The following PLEKHA8 variants were observed in gnomAD, a reference collection of about 807,000 sequenced individuals.
The protein encoded by PLEKHA8 is pleckstrin homology domain containing A8, also known as pleckstrin homology domain-containing family A member 8.
Under a neutral mutation model 68.2 loss-of-function variants are expected in PLEKHA8, and 36 were observed. That is an observed-to-expected ratio of 0.53 (90% CI 0.40 to 0.70). The LOEUF is 0.70. Among genes scored for constraint, PLEKHA8 ranks in the 30% least tolerant of loss-of-function variants. PLEKHA8 has a pLI of 0.00. For synonymous variants in PLEKHA8, 211 were observed against 216.1 expected (o/e 0.98, Z 0.20); for missense variants, 505 against 615.4 (o/e 0.82, Z 1.90).
chr7:30,056,312 C>CTCTATATATATA lies in PLEKHA8; in HGVS notation c.1039+971_1039+972insCTATATATATAT, dbSNP rs796845171. Among the ~76,000 whole-genome samples, 638 of 94,504 alleles carry CTCTATATATATA rather than the reference C, an allele frequency of 6.8e-3. 18 individuals carry two copies. Among genetic ancestry groups the CTCTATATATATA allele is most frequent in the Non-Finnish European group, 0.01 (484 of 47,246 alleles). 62.0% of individuals were successfully genotyped at this position (94,504 alleles called of 152,430 possible). On this transcript the variant is annotated intron_variant, in intron 9 of 13. Coordinates refer to ENST00000449726, the MANE Select transcript of PLEKHA8 (RefSeq NM_001197026.2). ...TCTCTCTCTCTCTCTCTCTCTCTCT[C>CTCTATATATATA]TATATATATATATATATATAAATAA...
intron 13 of PLEKHA8, among the ~76,000 whole-genome samples, chr7:30,120,811 T>TA (rs1483043668): frequency 1.3e-5 from 2 of 152,220 alleles, no homozygotes; most frequent in African/African-American, 2.4e-5. Context: ...ACACCGTAAG[T>TA]AGGTTTCTGA....
At chr7:30,056,606 G>A (rs182047233) in intron 9 of PLEKHA8, among the ~76,000 whole-genome samples, 1,480 of 146,752 alleles carry the variant, frequency 0.01, 18 homozygotes, top group East Asian at 0.04. Flanking sequence ...GCGCGCACCT[G>A]TAATCCCAGT....
rs1562557918 is a variant in PLEKHA8 at position 30,115,809 on chromosome 7, C to CGT, written c.1363-13457_1363-13456insGT. The stretch of plus-strand genomic sequence containing the variant: ...ATACGTGCACATACATGTATACACG[C>CGT]ATGCATGTATACATGCGTGCACATA... On this transcript the variant is annotated intron_variant, in intron 13 of 13. Coordinates refer to the PLEKHA8 transcript ENST00000396257. 1.5e-4 allele frequency: 16 copies of CGT among 107,002 alleles called. 1 individual carries two copies. The highest frequency in any genetic ancestry group is 6.1e-4 in the Admixed American group (7 of 11,568). 6.6% of individuals were successfully genotyped at this position (107,002 alleles called of 1,614,324 possible). A position where few individuals can be genotyped will look rare whatever the true frequency, so the allele number is the denominator to read the frequency against.
intron 8 of PLEKHA8, among the ~76,000 whole-genome samples, 186 bp downstream of exon 8, chr7:30,055,051 T>G (rs2127981372): frequency 6.6e-6 from 1 of 152,338 alleles, no homozygotes; most frequent in Admixed American, 6.5e-5. Flanking sequence ...TGAAGTGTGC[T>G]CTGTGAACAA....
At chr7:30,093,675 C>T (rs1345608980), downstream of PLEKHA8, among the ~76,000 whole-genome samples, 30 of 152,206 alleles carry the variant, frequency 2.0e-4, no homozygotes, top group Admixed American at 2.0e-3. Flanking sequence ...GGATGTAAAT[C>T]GCCTGGCATG....
intron 13 of PLEKHA8, among the ~76,000 whole-genome samples, chr7:30,125,909 CTATTTTTTTATTT>C (rs1230650222): frequency 6.6e-6 from 1 of 151,860 alleles, no homozygotes; most frequent in Non-Finnish European, 1.5e-5. Context: ...GACAACTTGC[CTATTTTTTTATTT>C]TATTTTTTGG....
chr7:30,083,482 G>T lies in PLEKHA8; in HGVS notation c.*4695G>T. On this transcript the variant is annotated 3_prime_UTR_variant, in exon 14 of 14. Transcript: ENST00000449726. ...CCCATCCTGTCTCAGACAGTCAATAGTCCTGTGTACAGTGACTATTTGCAT... is the reference window on the plus strand; with the variant it reads ...CCCATCCTGTCTCAGACAGTCAATATTCCTGTGTACAGTGACTATTTGCAT... 1.0e-6 allele frequency: 1 copy of T among 985,216 alleles called. No homozygotes were observed. Among genetic ancestry groups the T allele is most frequent in the Non-Finnish European group, 1.2e-6 (1 of 829,814 alleles). 61.0% of individuals were successfully genotyped at this position (985,216 alleles called of 1,614,324 possible).
At chr7:30,042,192 A>G (rs761257835) in intron 1 of PLEKHA8, among the ~76,000 whole-genome samples, 5 of 152,148 alleles carry the variant, frequency 3.3e-5, no homozygotes, top group Non-Finnish European at 5.9e-5. Flanking sequence ...GCCTGCTAGC[A>G]TGGAACTTAA....
At chr7:30,090,370 C>T in exon 13 of PLEKHA8, 2 of 610,842 alleles carry the variant, frequency 3.3e-6, no homozygotes, top group Non-Finnish European at 5.5e-6. Context: ...TTATTGCCAA[C>T]CAAGTCGTCA....
chr7:30,091,388 G>A (rs1795410309), downstream of PLEKHA8, among the ~76,000 whole-genome samples: 1 of 151,870 alleles, frequency 6.6e-6, no homozygotes, highest in Non-Finnish European at 1.5e-5. Flanking sequence ...AGAGTGTGGT[G>A]GACCCCCGGC....
rs866963119 is a variant in PLEKHA8 at position 30,080,599 on chromosome 7, A to C, written c.*1812A>C. The C allele has an allele frequency of 5.3e-5, 52 of 985,404 alleles. No individual in the cohort carries two copies. In the South Asian group the frequency reaches 2.0e-3, roughly 38 times the overall value. The allele number at this position is 985,404 out of a possible 1,614,324, so 61.0% of individuals were successfully genotyped here. ...CTCAGATTAATTAGGTATTTTGCCC[A>C]CATAAAGACTTCTGGAAAATACTTA... is the stretch of plus-strand genomic sequence containing the variant. On this transcript the variant is annotated 3_prime_UTR_variant, in exon 14 of 14. Coordinates refer to ENST00000449726, the MANE Select transcript of PLEKHA8 (RefSeq NM_001197026.2).
At chr7:30,099,681 A>G (rs185664965) in intron 13 of PLEKHA8, among the ~76,000 whole-genome samples, 25 of 152,380 alleles carry the variant, frequency 1.6e-4, no homozygotes, top group Admixed American at 2.6e-4. Flanking sequence ...AAGTTATACC[A>G]TATGCTGGAC....
rs998711603 is a variant in PLEKHA8, at chr7:30,082,083, A to G, written c.*3296A>G. 1.0e-6 allele frequency: 1 copy of G among 985,008 alleles called. No homozygotes were observed. The highest frequency in any genetic ancestry group is 1.7e-5 in the African/African-American group (1 of 57,246). 61.0% of individuals were successfully genotyped at this position (985,008 alleles called of 1,614,324 possible). On this transcript the variant is annotated 3_prime_UTR_variant, in exon 14 of 14. Coordinates refer to ENST00000449726, the MANE Select transcript of PLEKHA8 (RefSeq NM_001197026.2). The stretch of plus-strand genomic sequence containing the variant: ...AGTTCCAGAAGAGGAGCTCTCACAG[A>G]ATGTTGAGCCTGTGGGCCCAAGACA...
At chr7:30,084,780 C>A, downstream of PLEKHA8, 1 of 416,628 alleles carries the variant, frequency 2.4e-6, no homozygotes, top group Non-Finnish European at 3.2e-6. Flanking sequence ...AACATTTCAT[C>A]CTCCTAATAA....
intron 1 of PLEKHA8, among the ~76,000 whole-genome samples, chr7:30,035,828 A>G (rs1456295896): frequency 6.6e-6 from 1 of 151,034 alleles, no homozygotes; most frequent in Non-Finnish European, 1.5e-5. Flanking sequence ...TTGTATTTTT[A>G]GTAGAGATGA....
At chr7:30,030,803 C>T (rs914797836) in intron 1 of PLEKHA8, among the ~76,000 whole-genome samples, 1 of 152,194 alleles carries the variant, frequency 6.6e-6, no homozygotes, top group African/African-American at 2.4e-5. Flanking sequence ...TTCTTGTTTC[C>T]TCCACCCTCC....
intron 13 of PLEKHA8, among the ~76,000 whole-genome samples, chr7:30,116,436 A>ATCT (rs1301655799): frequency 1.6e-3 from 236 of 152,248 alleles, no homozygotes; most frequent in African/African-American, 5.4e-3. Context: ...ATTAAAATTC[A>ATCT]TTAAAGAACA....
chr7:30,068,989 C>G (rs758481867), intron 12 of PLEKHA8, among the ~76,000 whole-genome samples: 1 of 151,748 alleles, frequency 6.6e-6, no homozygotes, highest in South Asian at 2.1e-4. Context: ...CTTTTCCCCA[C>G]TTGTATGTAA....
chr7:30,115,192 C>T (rs1160915164), intron 13 of PLEKHA8, among the ~76,000 whole-genome samples: 3 of 152,108 alleles, frequency 2.0e-5, no homozygotes, highest in African/African-American at 7.2e-5. Context: ...CATTTTAAGG[C>T]AGTATGGCAG....
Sources: allele counts gnomAD v4.1 joint callset (sites outside exome capture counted in the v4.1 genomes callset), GRCh38; gene constraint gnomAD v4.1.1; transcripts MANE v1.5; gene names NCBI Gene and HGNC (gene_info 2026-07-23, HGNC 2026-07-21).